XRCC3: variants seen among roughly 807,000 people sequenced by gnomAD.
The protein encoded by XRCC3 is X-ray repair cross complementing 3, also known as DNA repair protein XRCC3.
Under a neutral mutation model 29.2 loss-of-function variants are expected in XRCC3, and 34 were observed. That is an observed-to-expected ratio of 1.16 (90% CI 0.88 to 1.55). The LOEUF is 1.55. Ranked by LOEUF, XRCC3 falls within the 40% of genes most tolerant of loss-of-function variation. The probability of loss-of-function intolerance (pLI) is 0.00; values close to 1 mark genes in which losing one functional copy is unlikely to be tolerated. For missense variants in XRCC3, 463 were observed against 467.6 expected (o/e 0.99, Z 0.09); for synonymous variants, 223 against 211.3 (o/e 1.06, Z -0.48).
At chr14:103,701,496 T>C in intron 7 of XRCC3, 1 of 405,798 alleles carries the variant, frequency 2.5e-6, no homozygotes, top group Non-Finnish European at 4.4e-6. Context: ...TTGTGTGCGA[T>C]AACGTATTTT....
intron 1 of XRCC3, among the ~76,000 whole-genome samples, chr14:103,715,047 C>A (rs1273027886): frequency 6.6e-6 from 1 of 152,212 alleles, no homozygotes; most frequent in Non-Finnish European, 1.5e-5. Context: ...CACTTCGATG[C>A]GAAGCCAGCG....
rs1327928784 is a variant in XRCC3 at position 103,705,912 on chromosome 14, C to A, written c.406+1091G>T. ...CGCCTCCACCTCACAGCAGCTCTTC[C>A]GTGCGGTAAGCGGGAGACTCCCATT... On this transcript the variant is annotated intron_variant, in intron 6 of 9. Transcript: ENST00000555055. The A allele has an allele frequency of 3.7e-5, 7 of 189,548 alleles. No homozygotes were observed. The South Asian group carries it at 5.8e-4, about 16-fold the overall frequency. The allele number at this position is 189,548 out of a possible 1,614,324, so 11.7% of individuals were successfully genotyped here. A position where few individuals can be genotyped will look rare whatever the true frequency, so the allele number is the denominator to read the frequency against.
intron 1 of XRCC3, chr14:103,714,114 G>C (rs533546174): frequency 6.6e-6 from 1 of 152,380 alleles, no homozygotes; most frequent in Non-Finnish European, 1.5e-5. Flanking sequence ...CCTCCCTGCC[G>C]TGAATGCACC....
chr14:103,699,657 G>T (rs2082949560), intron 7 of XRCC3, 81 bp from the exon 8 acceptor site: 2 of 1,459,654 alleles, frequency 1.4e-6, no homozygotes, highest in South Asian at 1.2e-5. Flanking sequence ...ACTGTCACTC[G>T]ACCGTCTGAA....
At chr14:103,707,420 G>A (rs186566754) in intron 5 of XRCC3, 1 of 656,888 alleles carries the variant, frequency 1.5e-6, no homozygotes, top group South Asian at 1.8e-5. Flanking sequence ...GCAGAGTCAG[G>A]GGGAGCCCCA....
chr14:103,706,031 C>T, intron 6 of XRCC3: 1 of 267,830 alleles, frequency 3.7e-6, no homozygotes, highest in South Asian at 3.7e-5. Flanking sequence ...CAAGAGGGTG[C>T]CCTCCCCTGG....
At chr14:103,707,983 G>A (rs1486896578) in intron 5 of XRCC3, 2 of 223,760 alleles carry the variant, frequency 8.9e-6, no homozygotes, top group Non-Finnish European at 1.8e-5. Context: ...AGTTCAGCAC[G>A]TTCCTCGGGG....
At chr14:103,701,280 G>A in intron 7 of XRCC3, 1 of 1,481,360 alleles carries the variant, frequency 6.8e-7, no homozygotes. Context: ...GGGCGGCAGG[G>A]AGGGCCCCTG....
intron 1 of XRCC3, 56 bp downstream of exon 1, chr14:103,715,368 A>T (rs2083780102): frequency 6.6e-6 from 1 of 150,798 alleles, no homozygotes. Context: ...ACGACCTCCG[A>T]CCCCGCTGCC....
chr14:103,712,206 C>A, intron 2 of XRCC3: 1 of 169,512 alleles, frequency 5.9e-6, no homozygotes, highest in Non-Finnish European at 1.3e-5. Context: ...GTTTCCTGCC[C>A]GCGCACCAGG....
rs1491473290 is a variant in XRCC3, at chr14:103,710,852, GAA to G, written c.55+179_55+180del. 185 of 378,064 alleles carry G rather than the reference GAA, an allele frequency of 4.9e-4. No homozygotes were observed. The African/African-American group carries it at 8.3e-3, about 17-fold the overall frequency. The allele number at this position is 378,064 out of a possible 1,614,324, so 23.4% of individuals were successfully genotyped here. Reference sequence around the variant, plus strand: ...AACTGAAAGAAATCCATGTAGTTAAGAACACACACACACACACACACACACAC... The same window carrying G: ...AACTGAAAGAAATCCATGTAGTTAAGCACACACACACACACACACACACAC... On this transcript the variant is annotated intron_variant, in intron 4 of 9. Coordinates refer to ENST00000555055, the MANE Select transcript of XRCC3 (RefSeq NM_005432.4).
In XRCC3 at chr14:103,707,227, G is replaced by T. The variant is rs1355372992; in HGVS notation, c.194-12C>A. ...GTGCAGCTGCAGTGCTAAAGGGCAG[G>T]GATAGTGTCAGGCCTGACTCTCCTG... On this transcript the variant is annotated splice_polypyrimidine_tract_variant and intron_variant, in intron 5 of 9. Coordinates refer to ENST00000555055, the MANE Select transcript of XRCC3 (RefSeq NM_005432.4). 6.5e-7 allele frequency: 1 copy of T among 1,548,416 alleles called. No individual in the cohort carries two copies. Among genetic ancestry groups the T allele is most frequent in the Admixed American group, 2.0e-5 (1 of 51,002 alleles).
At chr14:103,709,013 G>A (rs1567060721) in intron 4 of XRCC3, 1 of 360,904 alleles carries the variant, frequency 2.8e-6, no homozygotes, top group Admixed American at 3.8e-5. Flanking sequence ...CATGCCAGCT[G>A]GAGACAGTGC....
At chr14:103,710,955 G>T in intron 4 of XRCC3, 78 bp downstream of exon 4, 1 of 1,471,902 alleles carries the variant, frequency 6.8e-7, no homozygotes, top group Non-Finnish European at 9.5e-7. Flanking sequence ...GGCTTAGCCA[G>T]CCAGCGTTTT....
intron 7 of XRCC3, chr14:103,701,172 C>T (rs947032782): frequency 1.7e-5 from 27 of 1,550,082 alleles, no homozygotes; most frequent in Non-Finnish European, 2.4e-5. Flanking sequence ...TTTGGCGGCC[C>T]AGCCCTGACC....
At position 103,715,092 on chromosome 14, in the gene XRCC3, C is replaced by CG. The variant is rs2083766020; in HGVS notation, c.-318+331dup. Among the ~76,000 whole-genome samples the CG allele has an allele frequency of 2.0e-5, 3 of 152,174 alleles. 1 individual carries two copies. The South Asian group carries it at 6.2e-4, about 31-fold the overall frequency. On this transcript the variant is annotated intron_variant, in intron 1 of 9. Transcript: ENST00000555055. ...GCGGACGAGCGAAGGCATCGAAGGCCGGGGGCGCAGCCGCGGGCCCACCTC... is the reference window on the plus strand; with the variant it reads ...GCGGACGAGCGAAGGCATCGAAGGCCGGGGGGCGCAGCCGCGGGCCCACCTC...
rs2151931548 is a variant in XRCC3, at chr14:103,703,321, A to G, written c.413T>C (p.Val138Ala). 1.3e-6 allele frequency: 2 copies of G among 1,549,706 alleles called. No individual in the cohort carries two copies. The highest frequency in any genetic ancestry group is 1.7e-6 in the Non-Finnish European group (2 of 1,150,796). ...RQHGGLEAGA[V>A]YICTEDAFPH... ...GAAGGCGTCTTCCGTGCAGATGTAGACGGCTCCTGGGAAGCAAGAGTGCCT... is the reference window on the plus strand; with the variant it reads ...GAAGGCGTCTTCCGTGCAGATGTAGGCGGCTCCTGGGAAGCAAGAGTGCCT... Residue 138 changes from valine (V) to alanine (A), a missense_variant, in exon 7 of 10, where the codon GTC (valine) becomes GCC (alanine). Coordinates refer to ENST00000555055, the MANE Select transcript of XRCC3 (RefSeq NM_005432.4).
chr14:103,714,931 G>A (rs1237359517), intron 1 of XRCC3, among the ~76,000 whole-genome samples: 7 of 152,210 alleles, frequency 4.6e-5, no homozygotes, highest in African/African-American at 1.4e-4. Flanking sequence ...TGATCCGCCC[G>A]CCTCGGCCTC....
In XRCC3 at chr14:103,702,496, G is replaced by C. The variant is rs531327550; in HGVS notation, c.561+677C>G. 1.9e-5 allele frequency: 3 copies of C among 155,006 alleles called. No homozygotes were observed. In the East Asian group the frequency reaches 5.7e-4, roughly 30 times the overall value. The allele number at this position is 155,006 out of a possible 1,614,324, so 9.6% of individuals were successfully genotyped here. A position where few individuals can be genotyped will look rare whatever the true frequency, so the allele number is the denominator to read the frequency against. ...GGTCAGGGGCCCACAGCCCAGAGGA[G>C]GTCCTTGCCACCCGCCTGGGGCTTC... is the stretch of plus-strand genomic sequence containing the variant. On this transcript the variant is annotated intron_variant, in intron 7 of 9. Coordinates refer to ENST00000555055, the MANE Select transcript of XRCC3 (RefSeq NM_005432.4).
Sources: gnomAD v4.1 joint callset for allele counts (sites outside exome capture counted in the v4.1 genomes callset) on GRCh38, gnomAD v4.1.1 for gene constraint, MANE v1.5 for transcripts, NCBI Gene and HGNC (gene_info 2026-07-23, HGNC 2026-07-21) for gene names.